KHNYN: variants seen among roughly 807,000 people sequenced by gnomAD.
The protein encoded by KHNYN is protein KHNYN.
KHNYN carries 42 observed loss-of-function variants against 62.7 expected under a neutral mutation model. The ratio of observed to expected loss-of-function variants is 0.67; its 90% CI spans 0.52 to 0.87. The LOEUF (loss-of-function observed/expected upper bound fraction) is 0.87. Among genes scored for constraint, KHNYN ranks in the 40% least tolerant of loss-of-function variants. The probability of loss-of-function intolerance (pLI) is 0.00; values close to 1 mark genes in which losing one functional copy is unlikely to be tolerated. For missense variants in KHNYN, 829 were observed against 874.1 expected, an observed-to-expected ratio of 0.95 and a Z score of 0.65; for synonymous variants, 347 against 345.6, an observed-to-expected ratio of 1.00 and a Z score of -0.04.
chr14:24,425,131 G>A (rs2043007603), upstream of KHNYN, among the ~76,000 whole-genome samples: 1 of 152,180 alleles, frequency 6.6e-6, no homozygotes, highest in African/African-American at 2.4e-5. Flanking sequence ...AACCCAGGAG[G>A]TGGAGGTTGC....
chr14:24,430,506 C>T lies in KHNYN; in HGVS notation c.-17-208C>T. ...AGCCCAGACGCCCACTCTCGATAGA[C>T]AGCCTTGTTTACCGGGACTTCCTCT... On this transcript the variant is annotated intron_variant, in intron 1 of 7. Coordinates refer to ENST00000553935, the MANE Select transcript of KHNYN (RefSeq NM_015299.3). 5.8e-6 allele frequency: 8 copies of T among 1,386,666 alleles called. 1 individual carries two copies. The South Asian group carries it at 1.3e-4, about 23-fold the overall frequency. The allele number at this position is 1,386,666 out of a possible 1,614,324, so 85.9% of individuals were successfully genotyped here.
intron 2 of KHNYN, 53 bp downstream of exon 2, chr14:24,430,984 G>A: frequency 1.3e-6 from 2 of 1,533,074 alleles, no homozygotes; most frequent in Non-Finnish European, 1.8e-6. Flanking sequence ...CTTTCCCCCA[G>A]GGCGGAGGAG....
chr14:24,424,794 C>A (rs898845925), upstream of KHNYN, among the ~76,000 whole-genome samples: 19 of 152,182 alleles, frequency 1.2e-4, no homozygotes, highest in African/African-American at 3.4e-4. Context: ...TTCTTCCCCT[C>A]CAGTAAGGAA....
rs2139414204 is a variant in KHNYN, at chr14:24,441,212, ACT to A, written c.*3932_*3933del. Reference sequence around the variant, plus strand: ...TTTTAATCAGCTCCCTCATTTATTAACTCTCTGACTTGATGCAAGTTACTTAA... The same window carrying A: ...TTTTAATCAGCTCCCTCATTTATTAACTCTGACTTGATGCAAGTTACTTAA... On this transcript the variant is annotated 3_prime_UTR_variant, in exon 8 of 8. Coordinates refer to ENST00000553935, the MANE Select transcript of KHNYN (RefSeq NM_015299.3). 1 of 511,822 alleles carries A rather than the reference ACT, an allele frequency of 2.0e-6. No homozygotes were observed. The highest frequency in any genetic ancestry group is 3.5e-6 in the Non-Finnish European group (1 of 285,010). The allele number at this position is 511,822 out of a possible 1,614,324, so 31.7% of individuals were successfully genotyped here.
chr14:24,437,022 C>G lies in KHNYN; in HGVS notation c.1788-14C>G. 3 of 1,602,102 alleles carry G rather than the reference C, an allele frequency of 1.9e-6. No individual in the cohort carries two copies. Among genetic ancestry groups the G allele is most frequent in the East Asian group, 4.5e-5 (2 of 44,626 alleles). On this transcript the variant is annotated splice_polypyrimidine_tract_variant and intron_variant, in intron 7 of 7. Transcript: ENST00000553935. The surrounding 1 kb of genome is among the most constrained non-coding windows in gnomAD (Gnocchi z 5.5). ...AGGATGCTCATCAGCTCTTTTTGGT[C>G]TGTTTCTTCCCAGGACACAGGGGTC...
Position 24,431,858 on chromosome 14 carries a change from T to G in KHNYN, c.597T>G (p.Ser199Arg). The G allele has an allele frequency of 6.2e-7, 1 of 1,613,976 alleles. No individual in the cohort carries two copies. Among genetic ancestry groups the G allele is most frequent in the Non-Finnish European group, 8.5e-7 (1 of 1,180,006 alleles). Residue 199 changes from serine to arginine, a missense_variant, in exon 3 of 8, where the codon AGT becomes AGG. Coordinates refer to ENST00000553935, the MANE Select transcript of KHNYN (RefSeq NM_015299.3). ...TGAGTCTGGTGCAGGAGGCGTCTAGTGGGCAGGGGCCAGGAGCACTGGCTT... is the reference window on the plus strand; with the variant it reads ...TGAGTCTGGTGCAGGAGGCGTCTAGGGGGCAGGGGCCAGGAGCACTGGCTT... ...ELLSLVQEASSGQGPGALASW... is the reference protein window; with the variant it reads ...ELLSLVQEASRGQGPGALASW...
At chr14:24,435,799 G>A (rs1011678377) in intron 5 of KHNYN, 3 of 488,648 alleles carry the variant, frequency 6.1e-6, no homozygotes, top group Non-Finnish European at 1.1e-5. Context: ...GCTGGGTCAA[G>A]GTGAGGTAGG....
At chr14:24,428,737 C>T, upstream of KHNYN, 2 of 1,554,710 alleles carry the variant, frequency 1.3e-6, no homozygotes, top group East Asian at 2.3e-5. Flanking sequence ...GTCCCCTGGA[C>T]AGGGGTAGGG....
chr14:24,434,649 C>A (rs774348171), intron 5 of KHNYN, among the ~76,000 whole-genome samples: 2 of 152,166 alleles, frequency 1.3e-5, no homozygotes, highest in Non-Finnish European at 2.9e-5. Flanking sequence ...ATGATCCGCC[C>A]ACCTCAGCCT....
Position 24,440,043 on chromosome 14 carries a change from G to A in KHNYN, c.*2758G>A, listed in dbSNP as rs1594761723. 1.3e-6 allele frequency: 2 copies of A among 1,521,208 alleles called. No individual in the cohort carries two copies. The highest frequency in any genetic ancestry group is 1.8e-6 in the Non-Finnish European group (2 of 1,125,560). The allele number at this position is 1,521,208 out of a possible 1,614,324, so 94.2% of individuals were successfully genotyped here. A position where few individuals can be genotyped will look rare whatever the true frequency, so the allele number is the denominator to read the frequency against. On this transcript the variant is annotated 3_prime_UTR_variant, in exon 8 of 8. Coordinates refer to ENST00000553935, the MANE Select transcript of KHNYN (RefSeq NM_015299.3). ...CCTATTCACAGTGCCTAACCTGGAA[G>A]CCTGTGAGGAACAGGCCTCAGGCCC...
chr14:24,435,890 G>T, intron 5 of KHNYN, 182 bp from the exon 6 acceptor site: 1 of 611,708 alleles, frequency 1.6e-6, no homozygotes, highest in East Asian at 2.8e-5. Flanking sequence ...GTCCCAAATG[G>T]TTGCTGTGGT....
Position 24,440,352 on chromosome 14 carries a change from C to A in KHNYN, c.*3067C>A. The A allele has an allele frequency of 6.2e-7, 1 of 1,614,022 alleles. No homozygotes were observed. Among genetic ancestry groups the A allele is most frequent in the Non-Finnish European group, 8.5e-7 (1 of 1,179,886 alleles). On this transcript the variant is annotated 3_prime_UTR_variant, in exon 8 of 8. Transcript: ENST00000553935. Reference sequence around the variant, plus strand: ...CCGTGCACGTGGTTTGCTTCAAGGGCATGGGTCAGGATTCCTGCCAGGTCC... The same window carrying A: ...CCGTGCACGTGGTTTGCTTCAAGGGAATGGGTCAGGATTCCTGCCAGGTCC...
In KHNYN at chr14:24,430,721, G is replaced by A. The variant is rs764870963; in HGVS notation, c.-10G>A. 1 of 1,555,566 alleles carries A rather than the reference G, an allele frequency of 6.4e-7. No homozygotes were observed. Among genetic ancestry groups the A allele is most frequent in the South Asian group, 1.2e-5 (1 of 84,472 alleles). On this transcript the variant is annotated 5_prime_UTR_variant, in exon 2 of 8. Coordinates refer to ENST00000553935, the MANE Select transcript of KHNYN (RefSeq NM_015299.3). ...TGCCTTCTCCCCTTCCAGGGCTGGGGGCAGCAGCCATGCCTACCTGGGGGG... is the reference window on the plus strand; with the variant it reads ...TGCCTTCTCCCCTTCCAGGGCTGGGAGCAGCAGCCATGCCTACCTGGGGGG...
chr14:24,424,699 C>A (rs754113974), upstream of KHNYN, among the ~76,000 whole-genome samples: 28 of 152,190 alleles, frequency 1.8e-4, no homozygotes, highest in Admixed American at 1.4e-3. Flanking sequence ...ACTTGGCTTG[C>A]AGTTGTTGGC....
rs1299633834 is a variant in KHNYN at position 24,431,469 on chromosome 14, C to T, written c.208C>T (p.Leu70=). 6.4e-7 allele frequency: 1 copy of T among 1,567,034 alleles called. No individual in the cohort carries two copies. Among genetic ancestry groups the T allele is most frequent in the South Asian group, 1.2e-5 (1 of 85,932 alleles). ...KENASRAKEY[L]KGLCSPELQD... is the part of the protein sequence containing the mutation. ...TTCCCTTCCTCCCAACCAGGAGTAC[C>T]TGAAGGGCCTCTGCAGCCCAGAACT... The change falls in exon 3 of 8, where the codon CTG becomes TTG. Residue 70 remains leucine (L), a synonymous_variant. Coordinates refer to ENST00000553935, the MANE Select transcript of KHNYN (RefSeq NM_015299.3).
At position 24,437,261 on chromosome 14, in the gene KHNYN, G is replaced by A. The variant is rs1255700465; in HGVS notation, c.2013G>A (p.Glu671=). Residue 671 remains glutamate (E), a synonymous_variant, in exon 8 of 8, where the codon GAG becomes GAA. Coordinates refer to ENST00000553935, the MANE Select transcript of KHNYN (RefSeq NM_015299.3). This position sits in a 1 kb window ranked among gnomAD's most constrained non-coding sequence, Gnocchi z 5.5. The stretch of plus-strand genomic sequence containing the variant: ...GCCGGGACATCAACCAACTGTCTGA[G>A]GCCCTGCTCAGTCTTAACTTTTGAG... ...PYCRDINQLS[E]ALLSLNF 3.1e-6 allele frequency: 5 copies of A among 1,614,002 alleles called. No individual in the cohort carries two copies. The highest frequency in any genetic ancestry group is 1.7e-5 in the Admixed American group (1 of 60,020).
At chr14:24,428,413 A>T, upstream of KHNYN, 1 of 1,613,540 alleles carries the variant, frequency 6.2e-7, no homozygotes. Context: ...GACCTGGGGG[A>T]AGCAGAGCCT....
chr14:24,437,158 G>A lies in KHNYN; in HGVS notation c.1910G>A (p.Arg637Gln), dbSNP rs753695564. The change falls in exon 8 of 8, where the codon CGG becomes CAG. Residue 637 changes from arginine to glutamine, a missense_variant. Arg to Gln is a conservative substitution (Grantham distance 43). This residue lies in a region of KHNYN where 270 missense variants were observed against 347.1 expected (regional missense o/e 0.78). Transcript: ENST00000553935. The surrounding 1 kb of genome is among the most constrained non-coding windows in gnomAD (Gnocchi z 5.5). ...ATTCGGAAGACCCGGGAAACAGAGC[G>A]GCTCCGGCGGCAGCTGCTGGAGGTG... is the stretch of plus-strand genomic sequence containing the variant. ...GGIRKTRETE[R>Q]LRRQLLEVFW... 11 of 1,614,082 alleles carry A rather than the reference G, an allele frequency of 6.8e-6. No homozygotes were observed. In the Admixed American group the frequency reaches 8.3e-5, roughly 12 times the overall value.
In KHNYN at chr14:24,436,460, C is replaced by T; in HGVS notation, c.1758C>T (p.Thr586=). The change falls in exon 7 of 8, where the codon ACC becomes ACT. Residue 586 remains threonine, a synonymous_variant. Coordinates refer to ENST00000553935, the MANE Select transcript of KHNYN (RefSeq NM_015299.3). ...PDDPLGRNGP[T]LDEFLKKPAR... ...ACCCACTGGGGCGAAACGGCCCCAC[C>T]CTGGATGAATTTCTGAAGAAGCCAG... 1.2e-6 allele frequency: 2 copies of T among 1,613,258 alleles called. No individual in the cohort carries two copies. The highest frequency in any genetic ancestry group is 1.3e-5 in the African/African-American group (1 of 74,962).
Sources: allele counts gnomAD v4.1 joint callset (sites outside exome capture counted in the v4.1 genomes callset), GRCh38; gene constraint gnomAD v4.1.1; regional missense constraint gnomAD v4.1.1; non-coding constraint Gnocchi (gnomAD v3.1); transcripts MANE v1.5; gene names NCBI Gene and HGNC (gene_info 2026-07-23, HGNC 2026-07-21).